ADGRL2: variants seen among roughly 807,000 people sequenced by gnomAD.
The protein encoded by ADGRL2 is calcium-independent alpha-latrotoxin receptor 2.
In ADGRL2, 44 loss-of-function variants were observed where a neutral mutation model predicts 157.4. The ratio of observed to expected loss-of-function variants is 0.28; its 90% CI spans 0.22 to 0.36. ADGRL2 has a LOEUF of 0.36. Ranked by LOEUF, ADGRL2 falls within the 10% of genes least tolerant of loss-of-function variation. The probability of loss-of-function intolerance (pLI) is 1.00; values close to 1 mark genes in which losing one functional copy is unlikely to be tolerated. For synonymous variants in ADGRL2, 585 were observed against 624.7 expected (o/e 0.94, Z 0.95); for missense variants, 1,510 against 1,768.9 (o/e 0.85, Z 2.63).
At chr1:81,399,593 T>C (rs150576743) in intron 1 of ADGRL2, among the ~76,000 whole-genome samples, 126 of 152,306 alleles carry the variant, frequency 8.3e-4, no homozygotes, top group Middle Eastern at 6.8e-3. Context: ...ATATTTTTTA[T>C]TTCATTCACT....
chr1:81,529,669 C>G (rs114771719), intron 2 of ADGRL2, among the ~76,000 whole-genome samples: 1 of 152,142 alleles, frequency 6.6e-6, no homozygotes, highest in African/African-American at 2.4e-5. Context: ...TCTATAGATG[C>G]GGACCCCATG....
At chr1:81,671,934 TAC>T (rs371417412) in intron 3 of ADGRL2, among the ~76,000 whole-genome samples, 1 of 152,276 alleles carries the variant, frequency 6.6e-6, no homozygotes, top group African/African-American at 2.4e-5. Flanking sequence ...TTTGTGTGTG[TAC>T]ACACTGTTAC....
intron 2 of ADGRL2, among the ~76,000 whole-genome samples, chr1:81,571,397 G>GTA (rs2080688075): frequency 6.8e-6 from 1 of 146,122 alleles, no homozygotes; most frequent in Admixed American, 6.9e-5. Flanking sequence ...ATATGTGTAT[G>GTA]TATATATATG....
chr1:81,678,678 C>G (rs967024792), intron 3 of ADGRL2, among the ~76,000 whole-genome samples: 1 of 152,232 alleles, frequency 6.6e-6, no homozygotes, highest in African/African-American at 2.4e-5. Flanking sequence ...GCCACTACCT[C>G]TCAGAGTTCG....
intron 2 of ADGRL2, among the ~76,000 whole-genome samples, chr1:81,845,314 T>C (rs1156913723): frequency 6.6e-6 from 1 of 152,048 alleles, no homozygotes; most frequent in African/African-American, 2.4e-5. Context: ...TACATATCTA[T>C]ATAATTATTT....
chr1:81,696,495 G>T (rs2083445651), upstream of ADGRL2, among the ~76,000 whole-genome samples: 1 of 152,174 alleles, frequency 6.6e-6, no homozygotes, highest in African/African-American at 2.4e-5. Context: ...GCTCACGCCT[G>T]TAATCCCAGC....
chr1:81,989,707 A>C (rs756049384), intron 23 of ADGRL2: 1 of 1,610,854 alleles, frequency 6.2e-7, no homozygotes, highest in South Asian at 1.1e-5. Flanking sequence ...TGAGTTGTCC[A>C]AAGTGAGTCA....
chr1:81,357,864 C>T (rs970412603), intron 1 of ADGRL2, among the ~76,000 whole-genome samples: 5 of 152,226 alleles, frequency 3.3e-5, no homozygotes, highest in African/African-American at 1.2e-4. Flanking sequence ...ACTCTTTAAG[C>T]TTAAATTTAT....
intron 2 of ADGRL2, among the ~76,000 whole-genome samples, chr1:81,778,276 C>G: frequency 6.6e-6 from 1 of 150,426 alleles, no homozygotes; most frequent in East Asian, 2.0e-4. Flanking sequence ...GAGCGGAGAT[C>G]ACGCCACTGC....
chr1:81,980,758 C>T (rs756597113), intron 18 of ADGRL2: 3 of 646,310 alleles, frequency 4.6e-6, no homozygotes, highest in East Asian at 2.7e-5. Flanking sequence ...TCTCTCTTTT[C>T]TTCCTTTTCC....
chr1:81,990,358 A>G (rs912616936), intron 23 of ADGRL2, 33 bp from the exon 24 acceptor site: 1 of 1,594,322 alleles, frequency 6.3e-7, no homozygotes, highest in Non-Finnish European at 8.6e-7. Context: ...AGGAACAGAG[A>G]CAGTAATGAT....
At chr1:81,876,201 T>A in intron 2 of ADGRL2, among the ~76,000 whole-genome samples, 1 of 152,178 alleles carries the variant, frequency 6.6e-6, no homozygotes, top group East Asian at 1.9e-4. Flanking sequence ...TTTTGATGCC[T>A]TGTCAAAAGT....
At chr1:81,446,889 A>T (rs566526495) in intron 2 of ADGRL2, among the ~76,000 whole-genome samples, 1 of 152,294 alleles carries the variant, frequency 6.6e-6, no homozygotes, top group Admixed American at 6.5e-5. Flanking sequence ...CAAATGTTAT[A>T]ATTTATTGTA....
rs77588056 is a variant in ADGRL2, at chr1:81,654,879, G to A, written c.-143+73899G>A. ...AGTGATTTGTTGGACAGGTCTGTCC[G>A]TTAATCTCTCTTGCCTCAGCCTCCT... On this transcript the variant is annotated intron_variant, in intron 3 of 24. Coordinates refer to the ADGRL2 transcript ENST00000370721. Among the ~76,000 whole-genome samples the A allele has an allele frequency of 6.7e-3, 1,023 of 152,294 alleles. 15 individuals are homozygous for A. Among genetic ancestry groups the A allele is most frequent in the African/African-American group, 0.024 (977 of 41,558 alleles).
chr1:81,966,748 A>G, intron 13 of ADGRL2, 139 bp downstream of exon 13: 1 of 723,350 alleles, frequency 1.4e-6, no homozygotes, highest in Non-Finnish European at 2.4e-6. Flanking sequence ...TTTGAATTTT[A>G]AATGTTGGAC....
chr1:81,708,241 C>T (rs955455137), intron 1 of ADGRL2, among the ~76,000 whole-genome samples: 1 of 152,082 alleles, frequency 6.6e-6, no homozygotes, highest in African/African-American at 2.4e-5. Context: ...AAGAGAATGC[C>T]GTGCTTCACA....
At chr1:81,421,682 C>T (rs77803460) in intron 1 of ADGRL2, among the ~76,000 whole-genome samples, 1 of 149,890 alleles carries the variant, frequency 6.7e-6, no homozygotes, top group Non-Finnish European at 1.5e-5. Context: ...AACCACACAA[C>T]ATCTCAACTA....
intron 2 of ADGRL2, among the ~76,000 whole-genome samples, chr1:81,877,212 G>A (rs1465696868): frequency 6.6e-6 from 1 of 152,070 alleles, no homozygotes; most frequent in Non-Finnish European, 1.5e-5. Flanking sequence ...TCATCTCTGT[G>A]CATTAAAATT....
At chr1:81,344,818 A>G (rs1034530449) in intron 1 of ADGRL2, among the ~76,000 whole-genome samples, 1 of 152,164 alleles carries the variant, frequency 6.6e-6, no homozygotes, top group Non-Finnish European at 1.5e-5. Context: ...AGCTCATGCT[A>G]TTGATCAAGT....
Sources: allele counts gnomAD v4.1 joint callset (sites outside exome capture counted in the v4.1 genomes callset), GRCh38; gene constraint gnomAD v4.1.1; transcripts MANE v1.5; gene names NCBI Gene and HGNC (gene_info 2026-07-23, HGNC 2026-07-21).